The following PBX3 variants were observed in gnomAD, a reference collection of about 807,000 sequenced individuals.
PBX3 encodes the protein PBX homeobox 3.
A neutral mutation model predicts 48.5 loss-of-function variants in PBX3; 14 were observed. That is an observed-to-expected ratio of 0.29 (90% confidence interval 0.19 to 0.45). PBX3 has a LOEUF of 0.45. Among genes scored for constraint, PBX3 ranks in the 20% least tolerant of loss-of-function variants. The pLI, the probability that PBX3 is intolerant of heterozygous loss-of-function variation, is 1.00. For synonymous variants in PBX3, 210 were observed against 200.3 expected (o/e 1.05, Z -0.41); for missense variants, 386 against 546.7 (o/e 0.71, Z 2.93).
At chr9:125,762,327 T>G (rs964967905) in intron 2 of PBX3, among the ~76,000 whole-genome samples, 10 of 152,140 alleles carry the variant, frequency 6.6e-5, no homozygotes, top group African/African-American at 2.4e-4. Context: ...GTCCACCCAC[T>G]ATGTGTATCT....
intron 2 of PBX3, among the ~76,000 whole-genome samples, chr9:125,908,816 G>A (rs886526819): frequency 1.3e-5 from 2 of 151,968 alleles, no homozygotes; most frequent in African/African-American, 2.4e-5. Context: ...TCAATAGAGC[G>A]TTTTGTTTGA....
intron 2 of PBX3, among the ~76,000 whole-genome samples, chr9:125,865,969 T>C (rs138236959): frequency 3.3e-5 from 5 of 150,146 alleles, no homozygotes; most frequent in Non-Finnish European, 5.9e-5. Context: ...CCAATTTTTT[T>C]CCCCCCACAA....
At chr9:125,830,727 A>G (rs1588194594) in intron 2 of PBX3, among the ~76,000 whole-genome samples, 1 of 152,264 alleles carries the variant, frequency 6.6e-6, no homozygotes, top group South Asian at 2.1e-4. Context: ...TGGAGGTAAT[A>G]TTTTTCCCAT....
At chr9:125,809,958 T>A (rs905614754) in intron 2 of PBX3, among the ~76,000 whole-genome samples, 3 of 152,220 alleles carry the variant, frequency 2.0e-5, no homozygotes, top group African/African-American at 7.2e-5. Flanking sequence ...TTGTAATGCT[T>A]GTTTTGAAAA....
intron 2 of PBX3, among the ~76,000 whole-genome samples, chr9:125,880,412 C>T (rs1840355836): frequency 6.6e-6 from 1 of 152,222 alleles, no homozygotes. Context: ...GTACTCCTCT[C>T]ATTACACTTA....
At chr9:125,831,428 T>G (rs1035110569) in intron 2 of PBX3, among the ~76,000 whole-genome samples, 8 of 111,750 alleles carry the variant, frequency 7.2e-5, no homozygotes, top group Non-Finnish European at 1.3e-4. Flanking sequence ...AGCCAGAATG[T>G]TTTTTTTTTT....
Position 125,772,600 on chromosome 9 carries a change from C to T in PBX3, c.274+23977C>T, listed in dbSNP as rs186207772. On this transcript the variant is annotated intron_variant, in intron 2 of 8. Transcript: ENST00000373489. ...AACTTTGACAAGTCACCTAATTTTT[C>T]CTGAGCTTTAGTTTTCTTTTCCTAA... Among the ~76,000 whole-genome samples the T allele has an allele frequency of 2.6e-5, 4 of 152,302 alleles. No individual in the cohort carries two copies. In the East Asian group the frequency reaches 7.7e-4, roughly 29 times the overall value.
rs796397791 is a variant in PBX3, at chr9:125,847,652, A to T, written c.275-68034A>T. 2.2e-3 allele frequency among the ~76,000 whole-genome samples: 334 copies of T among 152,006 alleles called. 2 individuals are homozygous for T. The highest frequency in any genetic ancestry group is 7.6e-3 in the African/African-American group (317 of 41,518). Reference sequence around the variant, plus strand: ...ATGGTTACCTTTCAGTAGTGGCATTAGGATTTTTAACATTTTTTTCTTTAT... The same window carrying T: ...ATGGTTACCTTTCAGTAGTGGCATTTGGATTTTTAACATTTTTTTCTTTAT... On this transcript the variant is annotated intron_variant, in intron 2 of 8. Transcript: ENST00000373489.
intron 2 of PBX3, among the ~76,000 whole-genome samples, chr9:125,816,540 C>G (rs572102959): frequency 6.6e-6 from 1 of 152,166 alleles, no homozygotes; most frequent in African/African-American, 2.4e-5. Context: ...GTATATTACT[C>G]TTGTTTTACA....
chr9:125,936,054 C>T (rs1365787090), intron 5 of PBX3, among the ~76,000 whole-genome samples: 2 of 152,206 alleles, frequency 1.3e-5, no homozygotes, highest in African/African-American at 4.8e-5. Flanking sequence ...TTCTTGGTAA[C>T]ATACTACAAT....
chr9:125,754,953 G>A (rs914776885), intron 2 of PBX3, among the ~76,000 whole-genome samples: 1 of 152,050 alleles, frequency 6.6e-6, no homozygotes, highest in Non-Finnish European at 1.5e-5. Flanking sequence ...ATGTTAAGCT[G>A]TTTAGACAAT....
Position 125,966,850 on chromosome 9 carries a change from TACTC to T in PBX3, c.*930_*933del, listed in dbSNP as rs1351015258. On this transcript the variant is annotated 3_prime_UTR_variant, in exon 9 of 9. Transcript: ENST00000373489. ...GTGCTCACTTACTACCTCTGAACAA[TACTC>T]ACGCTGTAGTTTGTCTCTTTCTTAT... 4 of 152,670 alleles carry T rather than the reference TACTC, an allele frequency of 2.6e-5. No individual in the cohort carries two copies. Among genetic ancestry groups the T allele is most frequent in the African/African-American group, 9.6e-5 (4 of 41,460 alleles). The allele number at this position is 152,670 out of a possible 1,614,324, so 9.5% of individuals were successfully genotyped here. A position where few individuals can be genotyped will look rare whatever the true frequency, so the allele number is the denominator to read the frequency against.
At chr9:125,871,270 G>A (rs1840116929) in intron 2 of PBX3, among the ~76,000 whole-genome samples, 1 of 151,676 alleles carries the variant, frequency 6.6e-6, no homozygotes, top group East Asian at 1.9e-4. Flanking sequence ...GGTGGTGGGT[G>A]CTTGTAGTCC....
At chr9:125,808,244 G>C (rs748212886) in intron 2 of PBX3, among the ~76,000 whole-genome samples, 26 of 152,152 alleles carry the variant, frequency 1.7e-4, no homozygotes, top group Non-Finnish European at 3.5e-4. Flanking sequence ...AAAATAGGAC[G>C]TATAGTGTGA....
chr9:125,748,340 G>A (rs1315841775), intron 1 of PBX3: 4 of 1,276,074 alleles, frequency 3.1e-6, no homozygotes, highest in South Asian at 1.8e-5. Context: ...CGGGCAGATG[G>A]GTCCGCCTTG....
chr9:125,780,076 C>A (rs1837213301), intron 2 of PBX3, among the ~76,000 whole-genome samples: 2 of 136,160 alleles, frequency 1.5e-5, no homozygotes, highest in Non-Finnish European at 3.2e-5. Context: ...GACCCCCCCA[C>A]CTCCCTCCCG....
At chr9:125,748,243 TC>T in intron 1 of PBX3, 1 of 1,039,012 alleles carries the variant, frequency 9.6e-7, no homozygotes, top group Non-Finnish European at 1.2e-6. Flanking sequence ...ACCCGTCCCC[TC>T]CCCCGGGTCG....
At chr9:125,948,749 AAGTC>A (rs1172021971) in intron 5 of PBX3, among the ~76,000 whole-genome samples, 1 of 151,750 alleles carries the variant, frequency 6.6e-6, no homozygotes, top group African/African-American at 2.4e-5. Flanking sequence ...TGCACACAGT[AAGTC>A]CATTTCTAAG....
intron 2 of PBX3, among the ~76,000 whole-genome samples, chr9:125,877,603 A>G (rs1840286748): frequency 6.6e-6 from 1 of 151,916 alleles, no homozygotes. Context: ...ATCTTTTTTT[A>G]TCCCCCTTTT....
Sources: allele counts gnomAD v4.1 joint callset (sites outside exome capture counted in the v4.1 genomes callset), GRCh38; gene constraint gnomAD v4.1.1; transcripts MANE v1.5; gene names NCBI Gene and HGNC (gene_info 2026-07-23, HGNC 2026-07-21).